The following ME3 variants were observed in gnomAD, a reference collection of about 807,000 sequenced individuals.
The protein encoded by ME3 is malic enzyme 3.
A neutral mutation model predicts 68.9 loss-of-function variants in ME3; 48 were observed. The observed-to-expected ratio is 0.70, with a 90% CI of 0.55 to 0.89. The LOEUF (loss-of-function observed/expected upper bound fraction) is 0.89. ME3 is among the 40% of genes least tolerant of loss of function. The pLI, the probability that ME3 is intolerant of heterozygous loss-of-function variation, is 0.00. For missense variants in ME3, 675 were observed against 797.4 expected (o/e 0.85, Z 1.85); for synonymous variants, 320 against 318.8 (o/e 1.00, Z -0.04).
intron 4 of ME3, among the ~76,000 whole-genome samples, chr11:86,521,261 G>A (rs1363117121): frequency 1.3e-5 from 2 of 152,034 alleles, no homozygotes; most frequent in African/African-American, 2.4e-5. Context: ...CGGGCGTGAT[G>A]GCGGGCGCCT....
chr11:86,441,455 G>A lies in ME3; in HGVS notation c.1654-15C>T. ...TAGTCGAGAACCTAGAGAAAAACAT[G>A]TTTGGCTAAGGAACCGGATCTAAGG... is the stretch of plus-strand genomic sequence containing the variant. On this transcript the variant is annotated splice_polypyrimidine_tract_variant and intron_variant, in intron 14 of 14. Coordinates refer to ENST00000543262, the Ensembl canonical transcript of ME3. 1 of 1,570,304 alleles carries A rather than the reference G, an allele frequency of 6.4e-7. No homozygotes were observed. The highest frequency in any genetic ancestry group is 8.6e-7 in the Non-Finnish European group (1 of 1,161,704).
intron 7 of ME3, among the ~76,000 whole-genome samples, chr11:86,469,832 G>C (rs984220054): frequency 6.6e-6 from 1 of 151,962 alleles, no homozygotes; most frequent in African/African-American, 2.4e-5. Flanking sequence ...CAAGGCTAAT[G>C]AGTGGATGTT....
chr11:86,587,331 C>T lies in ME3; in HGVS notation c.184-27508G>A, dbSNP rs537855977. Among the ~76,000 whole-genome samples the T allele has an allele frequency of 2.6e-5, 4 of 152,300 alleles. No homozygotes were observed. In the South Asian group the frequency reaches 8.3e-4, roughly 32 times the overall value. On this transcript the variant is annotated intron_variant, in intron 2 of 14. Transcript: ENST00000543262. ...ACCATTTTCATCAGGCCTGGGCAGG[C>T]ATGATGCAGGCAGGCCCAGGTCAAG...
chr11:86,532,105 C>A (rs1955292857), intron 4 of ME3, among the ~76,000 whole-genome samples: 1 of 151,556 alleles, frequency 6.6e-6, no homozygotes, highest in South Asian at 2.1e-4. Context: ...GATATTAAAT[C>A]AAAAACTGTA....
intron 5 of ME3, 87 bp from the exon 6 acceptor site, chr11:86,498,211 G>A (rs1353373762): frequency 2.1e-6 from 3 of 1,446,344 alleles, no homozygotes; most frequent in African/African-American, 2.8e-5. Flanking sequence ...ATCAGGCTTG[G>A]CGACTGGATG....
chr11:86,477,955 T>C (rs1179194692), intron 7 of ME3, among the ~76,000 whole-genome samples: 1 of 152,114 alleles, frequency 6.6e-6, no homozygotes, highest in Non-Finnish European at 1.5e-5. Flanking sequence ...CAATGAGCCA[T>C]ATCAGGCTGA....
intron 2 of ME3, among the ~76,000 whole-genome samples, chr11:86,642,867 T>A (rs1565258234): frequency 1.3e-5 from 2 of 152,252 alleles, no homozygotes; most frequent in Non-Finnish European, 2.9e-5. Context: ...AGCAGAACTT[T>A]TGATACTTGC....
chr11:86,663,759 T>C (rs1946426768), intron 2 of ME3, among the ~76,000 whole-genome samples: 1 of 152,086 alleles, frequency 6.6e-6, no homozygotes, highest in South Asian at 2.1e-4. Flanking sequence ...AATAAGGCCA[T>C]AAACCTCAGG....
At chr11:86,536,204 C>A (rs1955647727) in intron 4 of ME3, among the ~76,000 whole-genome samples, 1 of 152,092 alleles carries the variant, frequency 6.6e-6, no homozygotes, top group African/African-American at 2.4e-5. Context: ...CTAGGCATTA[C>A]CATTCAGGAC....
At chr11:86,621,093 A>T (rs1943321077) in intron 2 of ME3, among the ~76,000 whole-genome samples, 1 of 152,226 alleles carries the variant, frequency 6.6e-6, no homozygotes, top group African/African-American at 2.4e-5. Context: ...TGTCCAGACC[A>T]AAATGTTTCA....
At chr11:86,566,254 G>A (rs918017878) in intron 2 of ME3, among the ~76,000 whole-genome samples, 2 of 152,194 alleles carry the variant, frequency 1.3e-5, no homozygotes, top group African/African-American at 4.8e-5. Context: ...GGCAACTCTG[G>A]TTAAGCCTTT....
intron 6 of ME3, among the ~76,000 whole-genome samples, chr11:86,493,295 G>C (rs1459294036): frequency 2.0e-5 from 3 of 152,104 alleles, no homozygotes; most frequent in South Asian, 4.2e-4. Flanking sequence ...CCATTCTTCA[G>C]TTCCAGAAGA....
chr11:86,465,881 C>T (rs974968966), intron 7 of ME3, among the ~76,000 whole-genome samples: 19 of 152,162 alleles, frequency 1.2e-4, no homozygotes. Flanking sequence ...CAGAGTCTCA[C>T]TCGGAGTGTG....
At chr11:86,655,374 A>G (rs1945790789) in intron 2 of ME3, among the ~76,000 whole-genome samples, 1 of 152,230 alleles carries the variant, frequency 6.6e-6, no homozygotes, top group African/African-American at 2.4e-5. Flanking sequence ...TAACCAAAAC[A>G]GCATGGTACT....
In ME3 at chr11:86,648,142, G is replaced by A. The variant is rs1050094259; in HGVS notation, c.183+23620C>T. 1.8e-4 allele frequency among the ~76,000 whole-genome samples: 27 copies of A among 152,268 alleles called. 1 individual carries two copies. Among genetic ancestry groups the A allele is most frequent in the South Asian group, 4.2e-4 (2 of 4,818 alleles). On this transcript the variant is annotated intron_variant, in intron 2 of 14. Transcript: ENST00000543262. ...CAGAACTACATGGAAACTGAGCAAC[G>A]TACTCCTGAATGACTACTGGGTAAA...
intron 2 of ME3, among the ~76,000 whole-genome samples, chr11:86,645,954 G>A (rs1020688150): frequency 4.6e-5 from 7 of 152,298 alleles, no homozygotes; most frequent in African/African-American, 1.4e-4. Flanking sequence ...ACCTGCAGAA[G>A]AGCGACCTGA....
rs184216842 is a variant in ME3 at position 86,462,920 on chromosome 11, G to A, written c.919+2171C>T. On this transcript the variant is annotated intron_variant, in intron 8 of 14. Coordinates refer to ENST00000543262, the Ensembl canonical transcript of ME3. ...GAAATTACTCAGGTAAAGATGATGGGAAAGGGTGAGCAGGGCTTTCAAACA... is the reference window on the plus strand; with the variant it reads ...GAAATTACTCAGGTAAAGATGATGGAAAAGGGTGAGCAGGGCTTTCAAACA... Among the ~76,000 whole-genome samples the A allele has an allele frequency of 2.1e-3, 324 of 152,300 alleles. 1 individual carries two copies. The highest frequency in any genetic ancestry group is 8.7e-3 in the South Asian group (42 of 4,830).
chr11:86,561,198 T>G (rs1214124432), intron 2 of ME3, among the ~76,000 whole-genome samples: 2 of 152,014 alleles, frequency 1.3e-5, no homozygotes, highest in Non-Finnish European at 2.9e-5. Flanking sequence ...GTAGCAGTAG[T>G]GGGTTGGTTG....
chr11:86,623,654 G>A (rs573650833), intron 2 of ME3, among the ~76,000 whole-genome samples: 7 of 152,344 alleles, frequency 4.6e-5, no homozygotes, highest in African/African-American at 1.7e-4. Flanking sequence ...CTGCCAGACA[G>A]TCGAGAGTCA....
Sources: gnomAD v4.1 joint callset for allele counts (sites outside exome capture counted in the v4.1 genomes callset) on GRCh38, gnomAD v4.1.1 for gene constraint, MANE v1.5 for transcripts, NCBI Gene and HGNC (gene_info 2026-07-23, HGNC 2026-07-21) for gene names.